Variants in PRDM16 observed in about 807,000 individuals in gnomAD.
PRDM16 encodes PR/SET domain 16, also known as histone-lysine N-methyltransferase PRDM16.
Under a neutral mutation model 110.6 loss-of-function variants are expected in PRDM16, and 23 were observed. That is an observed-to-expected ratio of 0.21 (90% CI 0.15 to 0.29). The LOEUF (loss-of-function observed/expected upper bound fraction) is 0.29, where lower values mean the gene tolerates loss of function less well. Ranked by LOEUF, PRDM16 falls within the 10% of genes least tolerant of loss-of-function variation. The probability of loss-of-function intolerance (pLI) is 1.00; values close to 1 mark genes in which losing one functional copy is unlikely to be tolerated. For missense variants in PRDM16, 1,615 were observed against 1,794.3 expected, an observed-to-expected ratio of 0.90 and a Z score of 1.81; for synonymous variants, 799 against 781.8, an observed-to-expected ratio of 1.02 and a Z score of -0.37.
rs1387205809 is a variant in PRDM16, at chr1:3,175,082, C to G, written c.38-11043C>G. ...CCAAGGCTCCTCCTAGCACCATTTC[C>G]TGGAGTTACGACAGCTTTGTTCTTG... is the stretch of plus-strand genomic sequence containing the variant. On this transcript the variant is annotated intron_variant, in intron 1 of 16. Transcript: ENST00000270722. The surrounding 1 kb of genome is among the most constrained non-coding windows in gnomAD (Gnocchi z 4.8). 6.6e-6 allele frequency among the ~76,000 whole-genome samples: 1 copy of G among 152,188 alleles called. No homozygotes were observed. Among genetic ancestry groups the G allele is most frequent in the African/African-American group, 2.4e-5 (1 of 41,444 alleles).
chr1:3,272,682 G>C (rs866880414), intron 3 of PRDM16, among the ~76,000 whole-genome samples: 1 of 152,088 alleles, frequency 6.6e-6, no homozygotes, highest in African/African-American at 2.4e-5. Flanking sequence ...AGGAAGATTC[G>C]AAAGTTCCCT....
chr1:3,396,603 CT>C lies in PRDM16; in HGVS notation c.676+11del. 1 of 1,456,878 alleles carries C rather than the reference CT, an allele frequency of 6.9e-7. No individual in the cohort carries two copies. The highest frequency in any genetic ancestry group is 9.4e-7 in the Non-Finnish European group (1 of 1,062,094). 90.2% of individuals were successfully genotyped at this position (1,456,878 alleles called of 1,614,324 possible). A position where few individuals can be genotyped will look rare whatever the true frequency, so the allele number is the denominator to read the frequency against. ...CCGCCCGGCCTGGACGGTAAGACCC[CT>C]CCCCCAAACCGGGCCACGGCCCCTG... On this transcript the variant is annotated intron_variant, in intron 5 of 16. Transcript: ENST00000270722.
intron 3 of PRDM16, among the ~76,000 whole-genome samples, chr1:3,341,041 C>T (rs1003580157): frequency 6.8e-5 from 10 of 146,492 alleles, no homozygotes; most frequent in African/African-American, 1.7e-4. Flanking sequence ...CAACCCCGCA[C>T]GCTCCTTGGC....
rs180835091 is a variant in PRDM16, at chr1:3,102,945, T to C, written c.37+33649T>C. Among the ~76,000 whole-genome samples the C allele has an allele frequency of 4.6e-5, 7 of 152,334 alleles. No homozygotes were observed. The East Asian group carries it at 1.4e-3, about 29-fold the overall frequency. On this transcript the variant is annotated intron_variant, in intron 1 of 16. Coordinates refer to ENST00000270722, the MANE Select transcript of PRDM16 (RefSeq NM_022114.4). ...ACAGCCCCGGTGATGTGAGTCTGAA[T>C]GTATCATTTCCTTCAAATCTTCCTC...
chr1:3,326,548 G>T (rs1333582412), intron 3 of PRDM16, among the ~76,000 whole-genome samples: 1 of 152,170 alleles, frequency 6.6e-6, no homozygotes, highest in African/African-American at 2.4e-5. Flanking sequence ...TCAACCAAGG[G>T]TGATGGCAGA....
rs759958364 is a variant in PRDM16, at chr1:3,417,830, G to A, written c.2694G>A (p.Met898Ile). 1 of 1,613,604 alleles carries A rather than the reference G, an allele frequency of 6.2e-7. No homozygotes were observed. Among genetic ancestry groups the A allele is most frequent in the African/African-American group, 1.3e-5 (1 of 75,052 alleles). ...RPSPLLFHPQ[M>I]SAIETMTEKL... ...ACCTCCCACTCTTATGCCTACAGATGTCAGCCATAGAGACCATGACAGAGA... is the reference window on the plus strand; with the variant it reads ...ACCTCCCACTCTTATGCCTACAGATATCAGCCATAGAGACCATGACAGAGA... The change falls in exon 11 of 17, where the codon ATG becomes ATA. Residue 898 changes from methionine to isoleucine, a missense_variant and splice_region_variant. Coordinates refer to ENST00000270722, the MANE Select transcript of PRDM16 (RefSeq NM_022114.4).
chr1:3,276,567 C>T (rs1050011206), intron 3 of PRDM16, among the ~76,000 whole-genome samples: 5 of 151,462 alleles, frequency 3.3e-5, no homozygotes, highest in Non-Finnish European at 5.9e-5. Flanking sequence ...TGTCTGACCC[C>T]GAGCTGTCCC....
intron 7 of PRDM16, 133 bp downstream of exon 7, chr1:3,405,019 G>A (rs914699816): frequency 5.3e-5 from 49 of 922,716 alleles, no homozygotes; most frequent in African/African-American, 4.5e-4. Context: ...AGGCCCCTGC[G>A]GTGGCTCGGG....
At chr1:3,424,024 G>A (rs549642228) in intron 12 of PRDM16, among the ~76,000 whole-genome samples, 4 of 152,294 alleles carry the variant, frequency 2.6e-5, no homozygotes, top group South Asian at 2.1e-4. Context: ...AAGCACCCAC[G>A]TGCAACTGAA....
At position 3,353,484 on chromosome 1, in the gene PRDM16, T is replaced by G. The variant is rs1642533792; in HGVS notation, c.439-31668T>G. On this transcript the variant is annotated intron_variant, in intron 3 of 16. Coordinates refer to ENST00000270722, the MANE Select transcript of PRDM16 (RefSeq NM_022114.4). This position sits in a 1 kb window ranked among gnomAD's most constrained non-coding sequence, Gnocchi z 5.4. ...GAGGAATCTCAGCACTGGCCCTGGC[T>G]TCTGGCAGGCACCTGGGCCATGGGA... Among the ~76,000 whole-genome samples, 1 of 152,212 alleles carries G rather than the reference T, an allele frequency of 6.6e-6. No individual in the cohort carries two copies. Among genetic ancestry groups the G allele is most frequent in the South Asian group, 2.1e-4 (1 of 4,834 alleles).
At chr1:3,236,916 A>G (rs1465167276) in intron 2 of PRDM16, among the ~76,000 whole-genome samples, 1 of 152,118 alleles carries the variant, frequency 6.6e-6, no homozygotes, top group Non-Finnish European at 1.5e-5. Context: ...CCACCTCACC[A>G]TGGAGGCCTC....
Position 3,246,769 on chromosome 1 carries a change from A to T in PRDM16, c.438+2632A>T, listed in dbSNP as rs1339664899. On this transcript the variant is annotated intron_variant, in intron 3 of 16. Transcript: ENST00000270722. The surrounding 1 kb of genome is among the most constrained non-coding windows in gnomAD (Gnocchi z 5.2). ...TCAGATCCCTAACCCCAGGGCTCAG[A>T]CTGGACCCGTTCAGTTACATTTCTA... Among the ~76,000 whole-genome samples, 1 of 152,024 alleles carries T rather than the reference A, an allele frequency of 6.6e-6. No homozygotes were observed. Among genetic ancestry groups the T allele is most frequent in the African/African-American group, 2.4e-5 (1 of 41,390 alleles).
intron 1 of PRDM16, among the ~76,000 whole-genome samples, chr1:3,107,836 C>T (rs1642701532): frequency 6.6e-6 from 1 of 152,268 alleles, no homozygotes; most frequent in South Asian, 2.1e-4. Context: ...TTGCTCAAGC[C>T]ACTACTGGCC....
rs146420647 is a variant in PRDM16 at position 3,122,279 on chromosome 1, G to A, written c.37+52983G>A. ...ACCCTTGAGATGCTGGGCCCTCGAC[G>A]CTCTCTGCAGATCCCCTCCTCTGTC... On this transcript the variant is annotated intron_variant, in intron 1 of 16. Transcript: ENST00000270722. Among the ~76,000 whole-genome samples the A allele has an allele frequency of 4.9e-4, 75 of 152,250 alleles. No individual in the cohort carries two copies. In the East Asian group the frequency reaches 0.011, roughly 22 times the overall value.
rs907300338 is a variant in PRDM16, at chr1:3,190,685, G to T, written c.387+4211G>T. Among the ~76,000 whole-genome samples, 4 of 152,160 alleles carry T rather than the reference G, an allele frequency of 2.6e-5. No individual in the cohort carries two copies. The highest frequency in any genetic ancestry group is 5.9e-5 in the Non-Finnish European group (4 of 68,038). ...GCCTCCTCCATCTGGACACAGCCGG[G>T]CTCAGTCTCTTCCCAAATACCACGC... On this transcript the variant is annotated intron_variant, in intron 2 of 16. Coordinates refer to ENST00000270722, the MANE Select transcript of PRDM16 (RefSeq NM_022114.4). This position sits in a 1 kb window ranked among gnomAD's most constrained non-coding sequence, Gnocchi z 5.0.
At chr1:3,325,848 G>T (rs1641877604) in intron 3 of PRDM16, among the ~76,000 whole-genome samples, 1 of 151,904 alleles carries the variant, frequency 6.6e-6, no homozygotes, top group Non-Finnish European at 1.5e-5. Flanking sequence ...GCCCTCCTTG[G>T]CCTTCCTTAG....
intron 1 of PRDM16, among the ~76,000 whole-genome samples, chr1:3,075,073 C>T (rs768469546): frequency 1.4e-4 from 22 of 152,244 alleles, no homozygotes; most frequent in Non-Finnish European, 3.2e-4. Context: ...CCATCAAATC[C>T]TCCACGGTCT....
Position 3,437,498 on chromosome 1 carries a change from G to A in PRDM16, c.*3687G>A, listed in dbSNP as rs138344307. 2.7e-3 allele frequency: 618 copies of A among 229,948 alleles called. 1 individual carries two copies. Among genetic ancestry groups the A allele is most frequent in the African/African-American group, 0.012 (546 of 45,224 alleles). The allele number at this position is 229,948 out of a possible 1,614,324, so 14.2% of individuals were successfully genotyped here. A position where few individuals can be genotyped will look rare whatever the true frequency, so the allele number is the denominator to read the frequency against. ...CCTAGGGGGAGGGAGAGCAGAGCTC[G>A]CCCCTGCACTGCAGCCTTGTGGGGG... On this transcript the variant is annotated 3_prime_UTR_variant, in exon 17 of 17. Coordinates refer to ENST00000270722, the MANE Select transcript of PRDM16 (RefSeq NM_022114.4).
At chr1:3,297,186 C>T (rs189957254) in intron 3 of PRDM16, among the ~76,000 whole-genome samples, 17 of 152,156 alleles carry the variant, frequency 1.1e-4, no homozygotes, top group Admixed American at 9.8e-4. Flanking sequence ...CAGGTCCCGG[C>T]GTCTCCTTGG....
Sources: gnomAD v4.1 joint callset for allele counts (sites outside exome capture counted in the v4.1 genomes callset) on GRCh38, gnomAD v4.1.1 for gene constraint, Gnocchi (gnomAD v3.1) non-coding constraint, MANE v1.5 for transcripts, NCBI Gene and HGNC (gene_info 2026-07-23, HGNC 2026-07-21) for gene names.